The following FKBP15 variants were observed in gnomAD, a reference collection of about 807,000 sequenced individuals.
The protein encoded by FKBP15 is FKBP prolyl isomerase family member 15.
In FKBP15, 106 loss-of-function variants were observed where a neutral mutation model predicts 158.1. The ratio of observed to expected loss-of-function variants is 0.67; its 90% CI spans 0.57 to 0.79. The LOEUF (loss-of-function observed/expected upper bound fraction) is 0.79. Ranked by LOEUF, FKBP15 falls within the 30% of genes least tolerant of loss-of-function variation. The pLI, the probability that FKBP15 is intolerant of heterozygous loss-of-function variation, is 0.00. For synonymous variants in FKBP15, 547 were observed against 548.6 expected, an observed-to-expected ratio of 1.00 and a Z score of 0.04; for missense variants, 1,287 against 1,479.1, an observed-to-expected ratio of 0.87 and a Z score of 2.13.
intron 4 of FKBP15, chr9:113,205,881 C>T (rs983098637): frequency 6.6e-6 from 1 of 152,162 alleles, no homozygotes; most frequent in African/African-American, 2.4e-5. Context: ...ATGGGTGAAC[C>T]TTCAGGACAT....
intron 21 of FKBP15, 26 bp downstream of exon 21, chr9:113,176,511 C>G (rs1412706833): frequency 6.5e-7 from 1 of 1,547,284 alleles, no homozygotes. Context: ...ACAGCTAATT[C>G]TGGCCAACTG....
chr9:113,184,403 C>G lies in FKBP15; in HGVS notation c.1609-4G>C, dbSNP rs374570880. On this transcript the variant is annotated splice_region_variant and splice_polypyrimidine_tract_variant and intron_variant, in intron 16 of 27. Coordinates refer to ENST00000238256, the MANE Select transcript of FKBP15 (RefSeq NM_015258.2). The surrounding 1 kb of genome is among the most constrained non-coding windows in gnomAD (Gnocchi z 4.5). ...TATGTTTCTGTAACTCTTCAACCTA[C>G]AAAAGGGATACCAGAAAGACCTTGT... 5.7e-6 allele frequency: 9 copies of G among 1,579,978 alleles called. No individual in the cohort carries two copies. Among genetic ancestry groups the G allele is most frequent in the Non-Finnish European group, 6.9e-6 (8 of 1,155,246 alleles).
rs1261330924 is a variant in FKBP15 at position 113,202,871 on chromosome 9, G to A, written c.399+90C>T. On this transcript the variant is annotated intron_variant, in intron 5 of 27. Transcript: ENST00000238256. Reference sequence around the variant, plus strand: ...CAAGGACACCCAGGGCTGAACCAGTGGATCTAATTTCTATTAGGTACAATC... The same window carrying A: ...CAAGGACACCCAGGGCTGAACCAGTAGATCTAATTTCTATTAGGTACAATC... 2.8e-6 allele frequency: 3 copies of A among 1,080,338 alleles called. No homozygotes were observed. The East Asian group carries it at 7.5e-5, about 27-fold the overall frequency. 66.9% of individuals were successfully genotyped at this position (1,080,338 alleles called of 1,614,324 possible). A position where few individuals can be genotyped will look rare whatever the true frequency, so the allele number is the denominator to read the frequency against.
chr9:113,194,953 A>T (rs1450804521), intron 9 of FKBP15, among the ~76,000 whole-genome samples: 2 of 152,204 alleles, frequency 1.3e-5, no homozygotes, highest in East Asian at 3.8e-4. Context: ...AGCTTTGTAT[A>T]TGTATTTTTG....
At chr9:113,170,127 T>C (rs1462236065) in intron 25 of FKBP15, among the ~76,000 whole-genome samples, 185 bp from the exon 26 acceptor site, 1 of 149,532 alleles carries the variant, frequency 6.7e-6, no homozygotes, top group Admixed American at 6.7e-5. Context: ...AATAATTTTC[T>C]TTTTTTTTTC....
rs1425742768 is a variant in FKBP15, at chr9:113,184,251, A to G, written c.1716+41T>C. 3 of 1,393,158 alleles carry G rather than the reference A, an allele frequency of 2.2e-6. No individual in the cohort carries two copies. Among genetic ancestry groups the G allele is most frequent in the African/African-American group, 1.4e-5 (1 of 70,432 alleles). The allele number at this position is 1,393,158 out of a possible 1,614,324, so 86.3% of individuals were successfully genotyped here. A position where few individuals can be genotyped will look rare whatever the true frequency, so the allele number is the denominator to read the frequency against. Reference sequence around the variant, plus strand: ...GTACCTCTGAGAAGAGAGGATGGGTAAGACCTTCAGCCTGAGTGGTATGTT... The same window carrying G: ...GTACCTCTGAGAAGAGAGGATGGGTGAGACCTTCAGCCTGAGTGGTATGTT... On this transcript the variant is annotated intron_variant, in intron 17 of 27. Transcript: ENST00000238256. This position sits in a 1 kb window ranked among gnomAD's most constrained non-coding sequence, Gnocchi z 4.5.
intron 4 of FKBP15, 42 bp from the exon 5 acceptor site, chr9:113,203,077 C>G (rs755298224): frequency 1.2e-5 from 16 of 1,345,196 alleles, no homozygotes; most frequent in Non-Finnish European, 1.6e-5. Flanking sequence ...AAAAGAGAGA[C>G]AGCAGAAGTT....
chr9:113,165,049 T>G lies in FKBP15; in HGVS notation c.*1029A>C, dbSNP rs1830077193. The G allele has an allele frequency of 6.7e-6, 1 of 148,262 alleles. No individual in the cohort carries two copies. Among genetic ancestry groups the G allele is most frequent in the African/African-American group, 2.4e-5 (1 of 41,018 alleles). The allele number at this position is 148,262 out of a possible 1,614,324, so 9.2% of individuals were successfully genotyped here. On this transcript the variant is annotated 3_prime_UTR_variant, in exon 28 of 28. Coordinates refer to ENST00000238256, the MANE Select transcript of FKBP15 (RefSeq NM_015258.2). The stretch of plus-strand genomic sequence containing the variant: ...TTTTTTATTAAAATTAATTATTCTG[T>G]TTTTTTAAAGACTGATTGCATAATC...
At position 113,161,818 on chromosome 9, in the gene FKBP15, G is replaced by A. The variant is rs1394420732; in HGVS notation, c.*4260C>T. On this transcript the variant is annotated 3_prime_UTR_variant, in exon 28 of 28. Transcript: ENST00000238256. ...GACAGCGAGGCCCAGGGAAGGACCAGGACTTGCCAAAGTGGCTACACATAG... is the reference window on the plus strand; with the variant it reads ...GACAGCGAGGCCCAGGGAAGGACCAAGACTTGCCAAAGTGGCTACACATAG... The A allele has an allele frequency of 8.8e-7, 1 of 1,139,366 alleles. No individual in the cohort carries two copies. The highest frequency in any genetic ancestry group is 1.3e-6 in the Non-Finnish European group (1 of 773,868). The allele number at this position is 1,139,366 out of a possible 1,614,324, so 70.6% of individuals were successfully genotyped here. A position where few individuals can be genotyped will look rare whatever the true frequency, so the allele number is the denominator to read the frequency against.
rs1830045089 is a variant in FKBP15, at chr9:113,163,166, G to A, written c.*2912C>T. Reference sequence around the variant, plus strand: ...CTTAAGACAGCTGCTGTGACCAAAGGGAGAATGGAGATAACAGGGGTGGCA... The same window carrying A: ...CTTAAGACAGCTGCTGTGACCAAAGAGAGAATGGAGATAACAGGGGTGGCA... On this transcript the variant is annotated 3_prime_UTR_variant, in exon 28 of 28. Transcript: ENST00000238256. 1 of 323,604 alleles carries A rather than the reference G, an allele frequency of 3.1e-6. No homozygotes were observed. Among genetic ancestry groups the A allele is most frequent in the Non-Finnish European group, 5.6e-6 (1 of 177,884 alleles). The allele number at this position is 323,604 out of a possible 1,614,324, so 20.0% of individuals were successfully genotyped here.
At chr9:113,202,870 T>C in intron 5 of FKBP15, 91 bp downstream of exon 5, 2 of 1,073,608 alleles carry the variant, frequency 1.9e-6, no homozygotes, top group South Asian at 2.7e-5. Flanking sequence ...GCTGAACCAG[T>C]GGATCTAATT....
chr9:113,203,117 A>G, intron 4 of FKBP15, 82 bp from the exon 5 acceptor site: 1 of 916,344 alleles, frequency 1.1e-6, no homozygotes, highest in Non-Finnish European at 1.7e-6. Context: ...GCAATATAAA[A>G]TCAGCAATAA....
In FKBP15 at chr9:113,169,562, T is replaced by C. The variant is rs1232061407; in HGVS notation, c.3147A>G (p.Leu1049=). 1.9e-6 allele frequency: 3 copies of C among 1,613,878 alleles called. No individual in the cohort carries two copies. The highest frequency in any genetic ancestry group is 1.3e-5 in the African/African-American group (1 of 74,918). ...ACTCAGAGTCCATGGATACAGGGCC[T>C]AGGGGCTCAGGTGGAATTGAAGTCG... ...GPPTSIPPEP[L]GPVSMDSECE... The change falls in exon 26 of 28, where the codon CTA becomes CTG. Residue 1049 remains leucine, a synonymous_variant. Transcript: ENST00000238256.
chr9:113,218,390 T>TATATATATATATATATATATAA (rs1831187649), intron 1 of FKBP15, among the ~76,000 whole-genome samples: 1 of 61,770 alleles, frequency 1.6e-5, no homozygotes, highest in Non-Finnish European at 2.9e-5. Flanking sequence ...TATATATATA[T>TATATATATATATATATATATAA]ATATATATAT....
intron 1 of FKBP15, among the ~76,000 whole-genome samples, chr9:113,215,423 A>C (rs1255994810): frequency 1.3e-5 from 2 of 151,812 alleles, no homozygotes; most frequent in Non-Finnish European, 2.9e-5. Flanking sequence ...CAGAACATAC[A>C]CAACATTTAT....
intron 1 of FKBP15, among the ~76,000 whole-genome samples, chr9:113,212,312 C>A (rs1037336775): frequency 1.3e-5 from 2 of 152,146 alleles, no homozygotes; most frequent in African/African-American, 4.8e-5. Context: ...CCTCAGCCTC[C>A]CAAGTAGCTG....
chr9:113,221,214 G>A lies in FKBP15; in HGVS notation c.30C>T (p.Thr10=), dbSNP rs1026980006. The part of the protein sequence containing the change: MFGAGDEDD[T]DFLSPSGGAR... ...ACCCGCCGCTCGGCGAGAGGAAATC[G>A]GTGTCGTCCTCGTCCCCCGCACCGA... Residue 10 remains threonine, a synonymous_variant, in exon 1 of 28, where the codon ACC becomes ACT. Coordinates refer to ENST00000238256, the MANE Select transcript of FKBP15 (RefSeq NM_015258.2). The A allele has an allele frequency of 6.2e-7, 1 of 1,610,156 alleles. No individual in the cohort carries two copies. The highest frequency in any genetic ancestry group is 8.5e-7 in the Non-Finnish European group (1 of 1,178,102).
chr9:113,161,569 T>A lies in FKBP15; in HGVS notation c.*4509A>T. Reference sequence around the variant, plus strand: ...GCTGTACTGTATGAAGGCATCAAGGTTGGCAAAGCCAAGCTGCTCAACCAG... The same window carrying A: ...GCTGTACTGTATGAAGGCATCAAGGATGGCAAAGCCAAGCTGCTCAACCAG... On this transcript the variant is annotated 3_prime_UTR_variant, in exon 28 of 28. Coordinates refer to ENST00000238256, the MANE Select transcript of FKBP15 (RefSeq NM_015258.2). The A allele has an allele frequency of 6.2e-7, 1 of 1,613,886 alleles. No individual in the cohort carries two copies. Among genetic ancestry groups the A allele is most frequent in the Non-Finnish European group, 8.5e-7 (1 of 1,179,864 alleles).
At position 113,184,624 on chromosome 9, in the gene FKBP15, T is replaced by A. The variant is rs1182501307; in HGVS notation, c.1608+71A>T. The A allele has an allele frequency of 8.1e-7, 1 of 1,241,078 alleles. No homozygotes were observed. The highest frequency in any genetic ancestry group is 1.2e-6 in the Non-Finnish European group (1 of 863,440). The allele number at this position is 1,241,078 out of a possible 1,614,324, so 76.9% of individuals were successfully genotyped here. ...CCAATGCAGGAAATCAAAGAAGAGTTTACCTACAGTTCTGGCTGCTCCCTG... is the reference window on the plus strand; with the variant it reads ...CCAATGCAGGAAATCAAAGAAGAGTATACCTACAGTTCTGGCTGCTCCCTG... On this transcript the variant is annotated intron_variant, in intron 16 of 27. Transcript: ENST00000238256. The surrounding 1 kb of genome is among the most constrained non-coding windows in gnomAD (Gnocchi z 4.5).
Sources: allele counts gnomAD v4.1 joint callset (sites outside exome capture counted in the v4.1 genomes callset), GRCh38; gene constraint gnomAD v4.1.1; non-coding constraint Gnocchi (gnomAD v3.1); transcripts MANE v1.5; gene names NCBI Gene and HGNC (gene_info 2026-07-23, HGNC 2026-07-21).